Variants in ENTREP2 observed in about 807,000 individuals in gnomAD.
The protein encoded by ENTREP2 is endosomal transmembrane epsin interactor 2.
chr15:29,137,688 T>A, the ENTREP2 span, among the ~76,000 whole-genome samples: 1 of 152,022 alleles, frequency 6.6e-6, no homozygotes, highest in Admixed American at 6.6e-5. Context: ...TACAAAAAAT[T>A]AGCTGGGCGT....
the ENTREP2 span, among the ~76,000 whole-genome samples, chr15:29,311,016 A>G: frequency 6.6e-6 from 1 of 152,144 alleles, no homozygotes; most frequent in Non-Finnish European, 1.5e-5. Flanking sequence ...TCTCCACAGT[A>G]ATTTTGTAGA....
At chr15:29,544,341 G>A in the ENTREP2 span, among the ~76,000 whole-genome samples, 8 of 152,166 alleles carry the variant, frequency 5.3e-5, no homozygotes, top group Admixed American at 5.2e-4. Context: ...GCCAGCAGCT[G>A]GGGGCAGACA....
chr15:29,573,097 C>A, the ENTREP2 span, among the ~76,000 whole-genome samples: 1 of 151,924 alleles, frequency 6.6e-6, no homozygotes, highest in Admixed American at 6.6e-5. Flanking sequence ...CAGTGATCTC[C>A]CATTTATGAA....
the ENTREP2 span, among the ~76,000 whole-genome samples, chr15:29,377,159 G>A: frequency 6.6e-6 from 1 of 152,228 alleles, no homozygotes; most frequent in Admixed American, 6.5e-5. Context: ...ATAAAAGCAG[G>A]AGCTTTTATT....
the ENTREP2 span, among the ~76,000 whole-genome samples, chr15:29,504,302 T>A: frequency 1.3e-5 from 2 of 152,158 alleles, no homozygotes; most frequent in Admixed American, 1.3e-4. Context: ...GGGCACTCTA[T>A]AGAGGAGTTA....
At chr15:29,520,573 T>C in the ENTREP2 span, among the ~76,000 whole-genome samples, 55,612 of 151,412 alleles carry the variant, frequency 0.37, 10,230 homozygotes, top group East Asian at 0.42. Context: ...ACACTGCCCA[T>C]GTTTCCTATA....
chr15:29,649,972 C>T, the ENTREP2 span, among the ~76,000 whole-genome samples: 3 of 152,068 alleles, frequency 2.0e-5, no homozygotes, highest in African/African-American at 4.8e-5. Flanking sequence ...TATGCCTCAT[C>T]TGTACTATCA....
the ENTREP2 span, among the ~76,000 whole-genome samples, chr15:29,476,733 G>A: frequency 6.6e-6 from 1 of 152,204 alleles, no homozygotes; most frequent in Admixed American, 6.5e-5. Flanking sequence ...CTTCCCTAGA[G>A]TAGAAGCCAC....
At chr15:29,591,449 G>T in the ENTREP2 span, among the ~76,000 whole-genome samples, 3 of 152,070 alleles carry the variant, frequency 2.0e-5, no homozygotes, top group Non-Finnish European at 4.4e-5. Context: ...ACCTGTTATG[G>T]GTTGAATTAT....
the ENTREP2 span, among the ~76,000 whole-genome samples, chr15:29,287,207 C>T: frequency 0.66 from 100,138 of 151,890 alleles, 33,647 homozygotes; most frequent in Middle Eastern, 0.72. Flanking sequence ...GCACTATCCG[C>T]GGCCATTTCC....
the ENTREP2 span, among the ~76,000 whole-genome samples, chr15:29,407,933 G>A: frequency 1.3e-5 from 2 of 152,028 alleles, no homozygotes; most frequent in Admixed American, 6.6e-5. Flanking sequence ...ACCCACCTCG[G>A]CCTCCCAAAG....
the ENTREP2 span, among the ~76,000 whole-genome samples, chr15:29,167,418 C>T: frequency 6.6e-6 from 1 of 152,134 alleles, no homozygotes; most frequent in African/African-American, 2.4e-5. Flanking sequence ...ACAATCTATA[C>T]ATCTGACAAA....
the ENTREP2 span, among the ~76,000 whole-genome samples, chr15:29,306,337 T>C: frequency 2.0e-5 from 3 of 152,118 alleles, no homozygotes; most frequent in East Asian, 3.9e-4. Flanking sequence ...ATTTCCTAAA[T>C]GTGGGGCATT....
the ENTREP2 span, among the ~76,000 whole-genome samples, chr15:29,261,098 C>CT: frequency 6.6e-6 from 1 of 152,200 alleles, no homozygotes; most frequent in Non-Finnish European, 1.5e-5. Flanking sequence ...AATAAACATA[C>CT]TGTGAACATA....
chr15:29,350,768 C>A, the ENTREP2 span, among the ~76,000 whole-genome samples: 3 of 152,032 alleles, frequency 2.0e-5, no homozygotes, highest in Non-Finnish European at 2.9e-5. Flanking sequence ...CATGGTGAAA[C>A]CCTGTCTATA....
At chr15:29,221,022 G>A in the ENTREP2 span, among the ~76,000 whole-genome samples, 2 of 152,246 alleles carry the variant, frequency 1.3e-5, no homozygotes, top group South Asian at 2.1e-4. Context: ...GACAGGATGA[G>A]AATAAATCTG....
At chr15:29,626,843 T>C in the ENTREP2 span, among the ~76,000 whole-genome samples, 1 of 152,148 alleles carries the variant, frequency 6.6e-6, no homozygotes, top group Admixed American at 6.6e-5. Flanking sequence ...CCTAGTTTGC[T>C]GAGGGTTTTT....
the ENTREP2 span, among the ~76,000 whole-genome samples, chr15:29,656,150 A>G: frequency 1.3e-5 from 2 of 152,174 alleles, no homozygotes; most frequent in Non-Finnish European, 2.9e-5. Flanking sequence ...TAAAGAATAA[A>G]GAATTTTTCA....
At chr15:29,161,782 A>AGGTGTAT in the ENTREP2 span, among the ~76,000 whole-genome samples, 2 of 152,214 alleles carry the variant, frequency 1.3e-5, no homozygotes, top group Non-Finnish European at 2.9e-5. Flanking sequence ...CTTTAAGTAA[A>AGGTGTAT]GTAATGCAGC....
Sources: gnomAD v4.1 joint callset for allele counts (sites outside exome capture counted in the v4.1 genomes callset) on GRCh38, gnomAD v4.1.1 for gene constraint, MANE v1.5 for transcripts, NCBI Gene and HGNC (gene_info 2026-07-23, HGNC 2026-07-21) for gene names.